Variants in SPPL2B observed in about 807,000 individuals in gnomAD.
The protein encoded by SPPL2B is signal peptide peptidase-like 2B.
Under a neutral mutation model 59.7 loss-of-function variants are expected in SPPL2B, and 39 were observed. The observed-to-expected ratio is 0.65, with a 90% CI of 0.51 to 0.85. SPPL2B has a LOEUF of 0.85. Among genes scored for constraint, SPPL2B ranks in the 40% least tolerant of loss-of-function variants. SPPL2B has a pLI of 0.00. For synonymous variants in SPPL2B, 419 were observed against 370.8 expected (o/e 1.13, Z -1.49); for missense variants, 865 against 849.0 (o/e 1.02, Z -0.23).
Position 2,339,708 on chromosome 19 carries a change from C to T in SPPL2B, c.600-116C>T, listed in dbSNP as rs539435990. ...CGGTTCCTTGCACTTCAGTCCCCCC[C>T]GGGTCCCCTCCTGCTCCCGGGTTTT... is the stretch of plus-strand genomic sequence containing the variant. On this transcript the variant is annotated intron_variant, in intron 5 of 14. Coordinates refer to ENST00000613503, the MANE Select transcript of SPPL2B (RefSeq NM_152988.3). 415 of 1,257,648 alleles carry T rather than the reference C, an allele frequency of 3.3e-4. 1 individual carries two copies. In the East Asian group the frequency reaches 4.4e-3, roughly 13 times the overall value. The allele number at this position is 1,257,648 out of a possible 1,614,324, so 77.9% of individuals were successfully genotyped here. A position where few individuals can be genotyped will look rare whatever the true frequency, so the allele number is the denominator to read the frequency against.
At position 2,345,242 on chromosome 19, in the gene SPPL2B, G is replaced by T. The variant is rs762605954; in HGVS notation, c.1277-11G>T. ...GGGCCCGAGTAAGCCTCCGCCCTGT[G>T]CCTCCCCCAGGGCTGCTGGTGGCCT... On this transcript the variant is annotated splice_polypyrimidine_tract_variant and intron_variant, in intron 12 of 14. Transcript: ENST00000613503. 1.9e-6 allele frequency: 3 copies of T among 1,612,412 alleles called. No individual in the cohort carries two copies. In the East Asian group the frequency reaches 6.7e-5, roughly 36 times the overall value.
intron 1 of SPPL2B, among the ~76,000 whole-genome samples, chr19:2,329,980 C>G (rs984411693): frequency 2.6e-5 from 4 of 152,114 alleles, no homozygotes; most frequent in African/African-American, 7.2e-5. Flanking sequence ...GGACTCCCCC[C>G]ATTCTGCAGC....
rs74767226 is a variant in SPPL2B at position 2,354,896 on chromosome 19, G to A, written c.*1687G>A. 0.027 allele frequency: 4,159 copies of A among 152,418 alleles called. 82 individuals carry two copies. Among genetic ancestry groups the A allele is most frequent in the Middle Eastern group, 0.058 (17 of 294 alleles). 9.4% of individuals were successfully genotyped at this position (152,418 alleles called of 1,614,324 possible). Reference sequence around the variant, plus strand: ...GAACTGAGAGCTGGCAGGCCGCCTGGCTGTCCTGCAGAGGACGGATTGGAA... The same window carrying A: ...GAACTGAGAGCTGGCAGGCCGCCTGACTGTCCTGCAGAGGACGGATTGGAA... On this transcript the variant is annotated 3_prime_UTR_variant, in exon 15 of 15. Coordinates refer to ENST00000613503, the MANE Select transcript of SPPL2B (RefSeq NM_152988.3).
Position 2,351,515 on chromosome 19 carries a change from C to G in SPPL2B, c.1436C>G (p.Pro479Arg). Residue 479 changes from proline (P) to arginine (R), a missense_variant, in exon 14 of 15, where the codon CCC (proline) becomes CGC (arginine). Physicochemically the swap from Pro to Arg is moderately radical, Grantham distance 103. Transcript: ENST00000613503. ...RGQPALLYLV[P>R]CTLVTSCAVA... The stretch of plus-strand genomic sequence containing the variant: ...CAGCCCGCTCTCCTCTACCTGGTGC[C>G]CTGCACGCTGGTGACGAGCTGCGCT... The G allele has an allele frequency of 6.2e-7, 1 of 1,611,198 alleles. No homozygotes were observed. Among genetic ancestry groups the G allele is most frequent in the Non-Finnish European group, 8.5e-7 (1 of 1,179,612 alleles).
Position 2,353,322 on chromosome 19 carries a change from C to G in SPPL2B, c.*113C>G, listed in dbSNP as rs553046892. On this transcript the variant is annotated 3_prime_UTR_variant, in exon 15 of 15. Transcript: ENST00000613503. ...TGTCCCCCGGGACCGAGGCCTGTGC[C>G]GTCCCCACCCGCCCCAACATGGTGC... 7.9e-7 allele frequency: 1 copy of G among 1,269,556 alleles called. No homozygotes were observed. Among genetic ancestry groups the G allele is most frequent in the African/African-American group, 1.5e-5 (1 of 66,262 alleles). The allele number at this position is 1,269,556 out of a possible 1,614,324, so 78.6% of individuals were successfully genotyped here.
At position 2,351,605 on chromosome 19, in the gene SPPL2B, G is replaced by A. The variant is rs774350303; in HGVS notation, c.1515+11G>A. 1.2e-6 allele frequency: 2 copies of A among 1,600,744 alleles called. No homozygotes were observed. Among genetic ancestry groups the A allele is most frequent in the African/African-American group, 1.3e-5 (1 of 74,830 alleles). The stretch of plus-strand genomic sequence containing the variant: ...GGCAGCGGCTTTGCGGTGAATACCA[G>A]TTTGCTCTGACTGTGAGAAATACTC... On this transcript the variant is annotated intron_variant, in intron 14 of 14. Coordinates refer to ENST00000613503, the MANE Select transcript of SPPL2B (RefSeq NM_152988.3).
Position 2,339,661 on chromosome 19 carries a change from TC to T in SPPL2B, c.600-162del, listed in dbSNP as rs1968892564. 18 of 774,740 alleles carry T rather than the reference TC, an allele frequency of 2.3e-5. No individual in the cohort carries two copies. In the Middle Eastern group the frequency reaches 1.3e-3, roughly 58 times the overall value. The allele number at this position is 774,740 out of a possible 1,614,324, so 48.0% of individuals were successfully genotyped here. A position where few individuals can be genotyped will look rare whatever the true frequency, so the allele number is the denominator to read the frequency against. On this transcript the variant is annotated intron_variant, in intron 5 of 14. Transcript: ENST00000613503. ...TGCCACCCTCTGCTGTGTGGTCTCC[TC>T]TGCCCTGGGGACGTTCGGGGCGGTT...
intron 12 of SPPL2B, 33 bp downstream of exon 12, chr19:2,344,685 C>T (rs746371177): frequency 9.1e-6 from 13 of 1,431,716 alleles, no homozygotes; most frequent in Non-Finnish European, 1.3e-5. Context: ...CGGGTCCACG[C>T]TGTGGGGCAG....
chr19:2,328,836 C>T (rs1054693372), intron 1 of SPPL2B, 61 bp downstream of exon 1: 12 of 1,292,796 alleles, frequency 9.3e-6, no homozygotes, highest in Non-Finnish European at 1.2e-5. Context: ...TCTCTGTCCC[C>T]GGGCTACGCG....
intron 2 of SPPL2B, 105 bp downstream of exon 2, chr19:2,334,826 G>A (rs1221306948): frequency 3.7e-5 from 51 of 1,391,274 alleles, no homozygotes; most frequent in Non-Finnish European, 4.7e-5. Context: ...GAGGCGAGAG[G>A]CAGGCCCTGA....
intron 13 of SPPL2B, among the ~76,000 whole-genome samples, chr19:2,350,967 C>T (rs766025596): frequency 6.6e-6 from 1 of 152,266 alleles, no homozygotes; most frequent in Non-Finnish European, 1.5e-5. Flanking sequence ...TGACCCCAAA[C>T]ATTTCACTGG....
Position 2,339,829 on chromosome 19 carries a change from A to G in SPPL2B, c.605A>G (p.Tyr202Cys), listed in dbSNP as rs1968908029. 1 of 1,606,898 alleles carries G rather than the reference A, an allele frequency of 6.2e-7. No individual in the cohort carries two copies. Among genetic ancestry groups the G allele is most frequent in the Admixed American group, 1.7e-5 (1 of 58,996 alleles). ...ACCCCATGGTGTCTCCCAAGAAGGT[A>G]CATGAAGCACAAGCGCGACGATGGG... The part of the protein sequence containing the change: ...WAGSRDVKKR[Y>C]MKHKRDDGPE... Residue 202 changes from tyrosine (Y) to cysteine (C), a missense_variant, in exon 6 of 15, where the codon TAC becomes TGC. Physicochemically the swap from Tyr to Cys is radical, Grantham distance 194 (BLOSUM62 -2). Coordinates refer to ENST00000613503, the MANE Select transcript of SPPL2B (RefSeq NM_152988.3).
chr19:2,347,221 ACACT>A (rs1481278372), intron 13 of SPPL2B, among the ~76,000 whole-genome samples: 1 of 141,980 alleles, frequency 7.0e-6, no homozygotes, highest in African/African-American at 2.7e-5. Flanking sequence ...CTCCACACAC[ACACT>A]CACGCGCTCT....
chr19:2,339,533 T>A, intron 5 of SPPL2B: 7 of 580,090 alleles, frequency 1.2e-5, no homozygotes, highest in Non-Finnish European at 2.2e-5. Context: ...GGAGGCCCCA[T>A]GTCCAGGGCT....
rs62119750 is a variant in SPPL2B at position 2,351,567 on chromosome 19, C to T, written c.1488C>T (p.Gly496=). The T allele has an allele frequency of 2.7e-3, 4,288 of 1,611,164 alleles. 16 individuals are homozygous for T. The highest frequency in any genetic ancestry group is 5.0e-3 in the Admixed American group (297 of 59,974). ...TGGCGCTCTGGCGCCGGGAGCTGGG[C>T]GTGTTCTGGACGGGCAGCGGCTTTG... is the stretch of plus-strand genomic sequence containing the variant. The part of the protein sequence containing the change: ...CAVALWRREL[G]VFWTGSGFAK... Residue 496 remains glycine (G), a synonymous_variant, in exon 14 of 15, where the codon GGC becomes GGT. Transcript: ENST00000613503.
At chr19:2,334,830 G>C in intron 2 of SPPL2B, 109 bp downstream of exon 2, 1 of 1,370,234 alleles carries the variant, frequency 7.3e-7, no homozygotes, top group Non-Finnish European at 9.6e-7. Flanking sequence ...CGAGAGGCAG[G>C]CCCTGACCAG....
Position 2,353,289 on chromosome 19 carries a change from C to A in SPPL2B, c.*80C>A. On this transcript the variant is annotated 3_prime_UTR_variant, in exon 15 of 15. Transcript: ENST00000613503. ...CTGGCGCCCACTGGAGACAGACAGA[C>A]AGACGCCTGTCCCCCGGGACCGAGG... 1 of 1,470,262 alleles carries A rather than the reference C, an allele frequency of 6.8e-7. No individual in the cohort carries two copies. The highest frequency in any genetic ancestry group is 9.0e-7 in the Non-Finnish European group (1 of 1,107,894). The allele number at this position is 1,470,262 out of a possible 1,614,324, so 91.1% of individuals were successfully genotyped here. A position where few individuals can be genotyped will look rare whatever the true frequency, so the allele number is the denominator to read the frequency against.
chr19:2,347,241 G>A (rs879795041), intron 13 of SPPL2B, among the ~76,000 whole-genome samples: 11 of 122,560 alleles, frequency 9.0e-5, no homozygotes, highest in African/African-American at 1.3e-4. Context: ...GCTCTCATTC[G>A]CTTGATGCCG....
intron 13 of SPPL2B, among the ~76,000 whole-genome samples, chr19:2,350,138 TTC>T (rs61466682): frequency 0.04 from 5,019 of 126,074 alleles, 394 homozygotes; most frequent in African/African-American, 0.15. Flanking sequence ...CTTGATTCCG[TTC>T]TCTCTCTCCA....
Sources: allele counts gnomAD v4.1 joint callset (sites outside exome capture counted in the v4.1 genomes callset), GRCh38; gene constraint gnomAD v4.1.1; transcripts MANE v1.5; gene names NCBI Gene and HGNC (gene_info 2026-07-23, HGNC 2026-07-21).